Variants in MICAL2 observed in about 807,000 individuals in gnomAD.
The protein encoded by MICAL2 is microtubule associated monooxygenase, calponin and LIM domain containing 2.
In MICAL2, 77 loss-of-function variants were observed where a neutral mutation model predicts 127.3. The observed-to-expected ratio is 0.60, with a 90% confidence interval of 0.50 to 0.73. MICAL2 has a LOEUF of 0.73. Ranked by LOEUF, MICAL2 falls within the 30% of genes least tolerant of loss-of-function variation. MICAL2 has a pLI of 0.00. For synonymous variants in MICAL2, 570 were observed against 551.1 expected (o/e 1.03, Z -0.48); for missense variants, 1,351 against 1,434.4 (o/e 0.94, Z 0.94).
intron 16 of MICAL2, 100 bp downstream of exon 16, chr11:12,236,345 C>G: frequency 1.9e-6 from 2 of 1,078,090 alleles, no homozygotes; most frequent in Non-Finnish European, 2.9e-6. Context: ...TGTTCCTTCC[C>G]TCTCTCATGA....
At chr11:12,337,066 G>A (rs2041694358) in intron 32 of MICAL2, among the ~76,000 whole-genome samples, 1 of 152,218 alleles carries the variant, frequency 6.6e-6, no homozygotes, top group Non-Finnish European at 1.5e-5. Flanking sequence ...GAATTCGGCT[G>A]TGAATCCATC....
chr11:12,318,403 CT>C (rs1345418622), intron 29 of MICAL2, among the ~76,000 whole-genome samples: 5 of 152,218 alleles, frequency 3.3e-5, no homozygotes, highest in Non-Finnish European at 5.9e-5. Flanking sequence ...AGCTTTCCAT[CT>C]GGCAAATTAA....
At chr11:12,195,186 G>T (rs1565138934) in intron 3 of MICAL2, among the ~76,000 whole-genome samples, 1 of 152,196 alleles carries the variant, frequency 6.6e-6, no homozygotes, top group African/African-American at 2.4e-5. Flanking sequence ...GGGCCCAGGA[G>T]TTCGAGGCTG....
intron 1 of MICAL2, among the ~76,000 whole-genome samples, chr11:12,279,518 C>G (rs79637069): frequency 3.9e-5 from 6 of 152,136 alleles, no homozygotes; most frequent in African/African-American, 1.4e-4. Flanking sequence ...TAAGCCTCCA[C>G]GTAGGCAGGC....
At position 12,241,288 on chromosome 11, in the gene MICAL2, G is replaced by C. The variant is rs1002672262; in HGVS notation, c.2337+126G>C. Reference sequence around the variant, plus strand: ...ATTGTAGATTTTCTGGACACACCTTGATGTCACCACACTTATAGGTAAGAA... The same window carrying C: ...ATTGTAGATTTTCTGGACACACCTTCATGTCACCACACTTATAGGTAAGAA... On this transcript the variant is annotated intron_variant, in intron 18 of 27. Transcript: ENST00000683283. 8 of 1,198,224 alleles carry C rather than the reference G, an allele frequency of 6.7e-6. No individual in the cohort carries two copies. The African/African-American group carries it at 1.2e-4, about 18-fold the overall frequency. The allele number at this position is 1,198,224 out of a possible 1,614,324, so 74.2% of individuals were successfully genotyped here. A position where few individuals can be genotyped will look rare whatever the true frequency, so the allele number is the denominator to read the frequency against.
intron 13 of MICAL2, 121 bp from the exon 14 acceptor site, chr11:12,226,050 T>TGTCG: frequency 1.1e-6 from 1 of 923,230 alleles, no homozygotes; most frequent in South Asian, 1.5e-5. Flanking sequence ...ATTCCTCCCC[T>TGTCG]GTAACCTGCC....
intron 8 of MICAL2, among the ~76,000 whole-genome samples, chr11:12,218,552 G>T (rs367827057): frequency 1.3e-5 from 2 of 152,202 alleles, no homozygotes; most frequent in Non-Finnish European, 2.9e-5. Flanking sequence ...TGAAGGGGGG[G>T]TGTTTGAGAC....
At chr11:12,147,124 G>A (rs1853008967) in intron 2 of MICAL2, among the ~76,000 whole-genome samples, 1 of 152,054 alleles carries the variant, frequency 6.6e-6, no homozygotes, top group Non-Finnish European at 1.5e-5. Flanking sequence ...ACGAGTTAAT[G>A]GGTGCAGCAC....
chr11:12,208,494 C>A, intron 5 of MICAL2: 1 of 213,424 alleles, frequency 4.7e-6, no homozygotes, highest in South Asian at 8.5e-5. Context: ...GTGTTTAACA[C>A]ATAGATGTGG....
chr11:12,232,590 T>G (rs1199262250), intron 15 of MICAL2, among the ~76,000 whole-genome samples: 1 of 152,092 alleles, frequency 6.6e-6, no homozygotes, highest in Non-Finnish European at 1.5e-5. Context: ...TGCGTGGTGG[T>G]GCACACCAGT....
chr11:12,233,284 T>C (rs746721662), intron 15 of MICAL2, among the ~76,000 whole-genome samples: 16 of 152,334 alleles, frequency 1.1e-4, no homozygotes, highest in Non-Finnish European at 1.9e-4. Context: ...TTTCCTGAGA[T>C]CACACAGCTG....
At chr11:12,138,007 T>C (rs1851987670) in intron 1 of MICAL2, among the ~76,000 whole-genome samples, 2 of 152,254 alleles carry the variant, frequency 1.3e-5, no homozygotes, top group Admixed American at 6.5e-5. Context: ...TATCCAGTTT[T>C]ACACCTGCTT....
At chr11:12,141,124 T>A (rs1852311780) in intron 2 of MICAL2, among the ~76,000 whole-genome samples, 1 of 152,234 alleles carries the variant, frequency 6.6e-6, no homozygotes, top group Non-Finnish European at 1.5e-5. Context: ...ACTTGGGTCA[T>A]CTTTCTTCGA....
intron 1 of MICAL2, among the ~76,000 whole-genome samples, chr11:12,129,983 GA>G (rs1482797215): frequency 2.0e-5 from 3 of 152,186 alleles, no homozygotes; most frequent in Non-Finnish European, 4.4e-5. Flanking sequence ...AAAGTGCTGG[GA>G]TTACAGGCGT....
chr11:12,334,331 G>T (rs1938706317), intron 32 of MICAL2, among the ~76,000 whole-genome samples: 1 of 152,110 alleles, frequency 6.6e-6, no homozygotes, highest in African/African-American at 2.4e-5. Context: ...TGTAAATGTT[G>T]TGTAAATAGT....
upstream of MICAL2, among the ~76,000 whole-genome samples, chr11:12,275,016 G>A (rs1198485213): frequency 2.0e-5 from 3 of 152,150 alleles, no homozygotes; most frequent in South Asian, 2.1e-4. Context: ...AAGCAGAGAG[G>A]CGGTGAGAGG....
chr11:12,171,292 T>A (rs1856223699), intron 3 of MICAL2, among the ~76,000 whole-genome samples: 1 of 151,918 alleles, frequency 6.6e-6, no homozygotes, highest in East Asian at 1.9e-4. Flanking sequence ...CCCTAGGGAG[T>A]CTCTGGCCAG....
chr11:12,162,437 T>C lies in MICAL2; in HGVS notation c.264+18T>C, dbSNP rs1854930820. 1.2e-6 allele frequency: 2 copies of C among 1,612,220 alleles called. No individual in the cohort carries two copies. Among genetic ancestry groups the C allele is most frequent in the East Asian group, 4.5e-5 (2 of 44,844 alleles). On this transcript the variant is annotated intron_variant, in intron 3 of 27. Transcript: ENST00000683283. ...ACACCAAGGTAAGGGGAAACCCTCCTAGTCTTACCTTTGCAGGGCGTGTGG... is the reference window on the plus strand; with the variant it reads ...ACACCAAGGTAAGGGGAAACCCTCCCAGTCTTACCTTTGCAGGGCGTGTGG...
At chr11:12,115,212 A>C (rs1162636245) in intron 1 of MICAL2, among the ~76,000 whole-genome samples, 1 of 152,206 alleles carries the variant, frequency 6.6e-6, no homozygotes, top group Non-Finnish European at 1.5e-5. Context: ...TGTTCTATAG[A>C]GTTAGCACCA....
Sources: gnomAD v4.1 joint callset for allele counts (sites outside exome capture counted in the v4.1 genomes callset) on GRCh38, gnomAD v4.1.1 for gene constraint, MANE v1.5 for transcripts, NCBI Gene and HGNC (gene_info 2026-07-23, HGNC 2026-07-21) for gene names.